The following NRXN1 variants were observed in gnomAD, a reference collection of about 807,000 sequenced individuals.
NRXN1 encodes the protein neurexin 1.
NRXN1 carries 39 observed loss-of-function variants against 150.9 expected under a neutral mutation model. That is an observed-to-expected ratio of 0.26 (90% CI 0.20 to 0.34). NRXN1 has a LOEUF of 0.34. Among genes scored for constraint, NRXN1 ranks in the 10% least tolerant of loss-of-function variants. NRXN1 has a pLI of 1.00. For synonymous variants in NRXN1, 924 were observed against 757.0 expected (o/e 1.22, Z -3.62); for missense variants, 1,815 against 1,949.9 (o/e 0.93, Z 1.30).
chr2:50,374,022 G>T (rs976458816), intron 17 of NRXN1, among the ~76,000 whole-genome samples: 1 of 152,042 alleles, frequency 6.6e-6, no homozygotes, highest in Non-Finnish European at 1.5e-5. Context: ...GATGGAGGCT[G>T]GGTGTGGGCT....
chr2:49,925,281 CAA>C (rs772838099), intron 22 of NRXN1, among the ~76,000 whole-genome samples: 35 of 80,944 alleles, frequency 4.3e-4, no homozygotes, highest in Admixed American at 7.2e-4. Flanking sequence ...CTGCCTCAAC[CAA>C]AAAAAAAAAA....
intron 2 of NRXN1, among the ~76,000 whole-genome samples, chr2:50,947,914 A>G (rs1035047315): frequency 2.0e-5 from 3 of 151,996 alleles, no homozygotes; most frequent in African/African-American, 7.2e-5. Context: ...TAAGCCACAA[A>G]ATATTGGTTT....
At chr2:50,550,695 T>A (rs901106611) in intron 9 of NRXN1, among the ~76,000 whole-genome samples, 1 of 151,428 alleles carries the variant, frequency 6.6e-6, no homozygotes, top group Non-Finnish European at 1.5e-5. Flanking sequence ...TATTTTTTTT[T>A]ATTTTTGAGA....
intron 21 of NRXN1, chr2:49,969,692 T>G (rs1414389667): frequency 6.6e-6 from 1 of 152,044 alleles, no homozygotes; most frequent in Non-Finnish European, 1.5e-5. Flanking sequence ...CTAACCAGGA[T>G]CAACTCTGCT....
Position 50,333,166 on chromosome 2 carries a change from A to G in NRXN1, c.3365-96196T>C, listed in dbSNP as rs1382715345. 3.3e-5 allele frequency among the ~76,000 whole-genome samples: 5 copies of G among 152,280 alleles called. No individual in the cohort carries two copies. The East Asian group carries it at 9.7e-4, about 29-fold the overall frequency. ...CTCTTTGATCTTTTGAGGATAGTCT[A>G]CAAATAGCCTGTGCTCCCCTACGTG... On this transcript the variant is annotated intron_variant, in intron 17 of 22. Transcript: ENST00000401669.
rs994899587 is a variant in NRXN1 at position 50,134,771 on chromosome 2, C to T, written c.3547-43277G>A. On this transcript the variant is annotated intron_variant, in intron 18 of 22. Coordinates refer to ENST00000401669, the MANE Select transcript of NRXN1 (RefSeq NM_001330078.2). ...GTCTATTTTACCCCTTTTACACTCACAAACTGAGTCGCAGGTTGTACATTT... is the reference window on the plus strand; with the variant it reads ...GTCTATTTTACCCCTTTTACACTCATAAACTGAGTCGCAGGTTGTACATTT... 2.6e-5 allele frequency among the ~76,000 whole-genome samples: 4 copies of T among 152,268 alleles called. No homozygotes were observed. In the South Asian group the frequency reaches 8.3e-4, roughly 32 times the overall value.
At chr2:50,172,938 G>C (rs888848848) in intron 18 of NRXN1, among the ~76,000 whole-genome samples, 1 of 152,092 alleles carries the variant, frequency 6.6e-6, no homozygotes, top group Non-Finnish European at 1.5e-5. Flanking sequence ...CTGCACTCCA[G>C]CCTGGGCAAC....
intron 2 of NRXN1, among the ~76,000 whole-genome samples, chr2:50,986,193 T>C (rs1182483133): frequency 1.3e-5 from 2 of 151,654 alleles, no homozygotes; most frequent in Non-Finnish European, 3.0e-5. Flanking sequence ...AACATAGTAA[T>C]ATTAAGTCGT....
Position 50,949,489 on chromosome 2 carries a change from G to GGACAGA in NRXN1, c.773-23540_773-23535dup, listed in dbSNP as rs1690946111. ...ATAAAATCAAAATGAGGAATACAAG[G>GGACAGA]GACAGAGAAGGCCACAATTCTGATA... On this transcript the variant is annotated intron_variant, in intron 2 of 22. Coordinates refer to ENST00000401669, the MANE Select transcript of NRXN1 (RefSeq NM_001330078.2). Among the ~76,000 whole-genome samples the GGACAGA allele has an allele frequency of 2.0e-5, 3 of 151,754 alleles. No homozygotes were observed. In the South Asian group the frequency reaches 6.3e-4, roughly 32 times the overall value.
intron 18 of NRXN1, 135 bp downstream of exon 18, chr2:50,236,654 A>G (rs925115793): frequency 2.3e-5 from 18 of 777,906 alleles, no homozygotes; most frequent in Non-Finnish European, 2.8e-5. Context: ...TATTTCCTCT[A>G]GATTGTATTC....
intron 12 of NRXN1, among the ~76,000 whole-genome samples, chr2:50,517,771 G>C (rs1204092210): frequency 6.6e-6 from 1 of 152,064 alleles, no homozygotes; most frequent in Non-Finnish European, 1.5e-5. Context: ...AAAACTTACT[G>C]AGTATTTAAT....
At chr2:50,118,133 A>C (rs1703330154) in intron 18 of NRXN1, among the ~76,000 whole-genome samples, 1 of 152,214 alleles carries the variant, frequency 6.6e-6, no homozygotes, top group Non-Finnish European at 1.5e-5. Context: ...TACTTAACAG[A>C]ATGTGTCCGT....
At chr2:51,011,349 C>G (rs1224712606) in intron 2 of NRXN1, among the ~76,000 whole-genome samples, 1 of 151,832 alleles carries the variant, frequency 6.6e-6, no homozygotes, top group Non-Finnish European at 1.5e-5. Flanking sequence ...GTAAGTGCTC[C>G]CCTGGGGACT....
chr2:50,095,662 G>A (rs1700114085), intron 18 of NRXN1, among the ~76,000 whole-genome samples: 1 of 151,806 alleles, frequency 6.6e-6, no homozygotes. Flanking sequence ...CATTTTCTAG[G>A]TGCAGAAATC....
intron 5 of NRXN1, among the ~76,000 whole-genome samples, chr2:50,915,358 C>T (rs1685069397): frequency 1.3e-5 from 2 of 151,518 alleles, no homozygotes; most frequent in South Asian, 4.1e-4. Flanking sequence ...TTGGTACCTC[C>T]AGTCCATGAA....
chr2:50,987,488 G>T (rs1697904776), intron 2 of NRXN1, among the ~76,000 whole-genome samples: 3 of 151,830 alleles, frequency 2.0e-5, no homozygotes, highest in Admixed American at 2.0e-4. Context: ...GCTCCTAGAA[G>T]ATCCTGTTAC....
At chr2:50,842,932 C>T (rs56109000) in intron 5 of NRXN1, among the ~76,000 whole-genome samples, 2 of 151,980 alleles carry the variant, frequency 1.3e-5, no homozygotes, top group South Asian at 2.1e-4. Flanking sequence ...AGTATACAAA[C>T]GTACTGTTAA....
chr2:50,918,596 T>C (rs572027958), intron 5 of NRXN1: 2 of 373,226 alleles, frequency 5.4e-6, no homozygotes, highest in Non-Finnish European at 9.6e-6. Context: ...ATATTTTGAC[T>C]TTTTTGTAAT....
At chr2:50,363,729 T>A (rs559093410) in intron 17 of NRXN1, among the ~76,000 whole-genome samples, 1 of 152,310 alleles carries the variant, frequency 6.6e-6, no homozygotes, top group Non-Finnish European at 1.5e-5. Flanking sequence ...GATTCAGCAA[T>A]CCCATTACTG....
Sources: allele counts gnomAD v4.1 joint callset (sites outside exome capture counted in the v4.1 genomes callset), GRCh38; gene constraint gnomAD v4.1.1; transcripts MANE v1.5; gene names NCBI Gene and HGNC (gene_info 2026-07-23, HGNC 2026-07-21).